FOXN3: variants seen among roughly 807,000 people sequenced by gnomAD.
The protein encoded by FOXN3 is forkhead box protein N3.
A neutral mutation model predicts 38.4 loss-of-function variants in FOXN3; 7 were observed. That is an observed-to-expected ratio of 0.18 (90% CI 0.10 to 0.34). The LOEUF is 0.34. FOXN3 is among the 10% of genes least tolerant of loss of function. The pLI, the probability that FOXN3 is intolerant of heterozygous loss-of-function variation, is 1.00. For missense variants in FOXN3, 456 were observed against 613.4 expected (o/e 0.74, Z 2.71); for synonymous variants, 230 against 242.2 (o/e 0.95, Z 0.47).
intron 1 of FOXN3, among the ~76,000 whole-genome samples, chr14:89,550,092 C>G (rs1464054150): frequency 6.6e-6 from 1 of 152,178 alleles, no homozygotes; most frequent in African/African-American, 2.4e-5. Flanking sequence ...AACACCAGTA[C>G]TCTAAATTAC....
chr14:89,549,321 C>T (rs1244220802), intron 1 of FOXN3, among the ~76,000 whole-genome samples: 1 of 150,636 alleles, frequency 6.6e-6, no homozygotes, highest in Non-Finnish European at 1.5e-5. Flanking sequence ...TTAACTAATC[C>T]ATGGAATTGA....
At chr14:89,505,843 C>T (rs1362759355) in intron 1 of FOXN3, among the ~76,000 whole-genome samples, 4 of 150,916 alleles carry the variant, frequency 2.7e-5, no homozygotes, top group African/African-American at 9.7e-5. Flanking sequence ...CGTCTCTGCC[C>T]GGCCACCCAT....
chr14:89,314,276 A>C (rs1887658967), intron 3 of FOXN3, among the ~76,000 whole-genome samples: 2 of 152,230 alleles, frequency 1.3e-5, no homozygotes, highest in South Asian at 4.1e-4. Flanking sequence ...AAATACAATA[A>C]GCTATTTTAA....
chr14:89,404,710 C>T (rs777092997), intron 2 of FOXN3, among the ~76,000 whole-genome samples: 8 of 151,864 alleles, frequency 5.3e-5, no homozygotes, highest in Middle Eastern at 3.2e-3. Flanking sequence ...GAAAGCAGCC[C>T]GCCTGGCAGT....
At chr14:89,312,734 T>C (rs1344658195) in intron 3 of FOXN3, among the ~76,000 whole-genome samples, 1 of 152,154 alleles carries the variant, frequency 6.6e-6, no homozygotes, top group Non-Finnish European at 1.5e-5. Flanking sequence ...AGAGTAGATA[T>C]ATACTACTAG....
intron 1 of FOXN3, among the ~76,000 whole-genome samples, chr14:89,473,420 G>A (rs991366357): frequency 2.6e-5 from 4 of 151,052 alleles, no homozygotes; most frequent in Non-Finnish European, 4.4e-5. Flanking sequence ...CTGGAGTGCA[G>A]TGGCGTGATT....
chr14:89,399,702 AGGGGG>A (rs1204647520), intron 2 of FOXN3, among the ~76,000 whole-genome samples: 1 of 152,146 alleles, frequency 6.6e-6, no homozygotes, highest in African/African-American at 2.4e-5. Context: ...TCCTTCTGGA[AGGGGG>A]AGGGGCTGCG....
At chr14:89,483,773 C>A (rs939948719) in intron 1 of FOXN3, among the ~76,000 whole-genome samples, 1 of 152,134 alleles carries the variant, frequency 6.6e-6, no homozygotes, top group African/African-American at 2.4e-5. Flanking sequence ...AAGATTAGAA[C>A]CCACATCTTT....
chr14:89,403,779 G>T (rs983980789), intron 2 of FOXN3, among the ~76,000 whole-genome samples: 19 of 152,184 alleles, frequency 1.2e-4, no homozygotes, highest in African/African-American at 4.3e-4. Flanking sequence ...GGGCCCTCGG[G>T]CCCAGAAGCT....
At chr14:89,258,568 A>G (rs1397168698) in intron 4 of FOXN3, among the ~76,000 whole-genome samples, 1 of 152,196 alleles carries the variant, frequency 6.6e-6, no homozygotes, top group East Asian at 1.9e-4. Context: ...GACCACCTAC[A>G]TCTTATTTTC....
At chr14:89,413,128 G>A (rs977280661) in intron 1 of FOXN3, among the ~76,000 whole-genome samples, 2 of 152,022 alleles carry the variant, frequency 1.3e-5, no homozygotes, top group Admixed American at 6.6e-5. Context: ...AAAAGAAAAC[G>A]AGGAGGTGGT....
chr14:89,512,346 G>A (rs1010164411), intron 1 of FOXN3, among the ~76,000 whole-genome samples: 2 of 152,156 alleles, frequency 1.3e-5, no homozygotes, highest in Non-Finnish European at 2.9e-5. Context: ...GTAGGGAGAG[G>A]GGCTTTATAG....
At position 89,503,134 on chromosome 14, in the gene FOXN3, G is replaced by C. The variant is rs567395341; in HGVS notation, c.-14-90644C>G. On this transcript the variant is annotated intron_variant, in intron 1 of 6. Coordinates refer to the FOXN3 transcript ENST00000345097. ...ACACAGCCATTTGAAGACGACAAAG[G>C]CTCCTCCCTCCACCCAAAGCTCCCG... Among the ~76,000 whole-genome samples the C allele has an allele frequency of 1.8e-3, 269 of 152,234 alleles. 3 individuals carry two copies. Among genetic ancestry groups the C allele is most frequent in the African/African-American group, 6.2e-3 (259 of 41,548 alleles).
intron 1 of FOXN3, among the ~76,000 whole-genome samples, chr14:89,431,386 T>G (rs1272165670): frequency 6.6e-6 from 1 of 152,040 alleles, no homozygotes; most frequent in Non-Finnish European, 1.5e-5. Context: ...AATTTTTGTA[T>G]TTTTGGTAGA....
At chr14:89,556,015 T>C (rs1048306218) in intron 1 of FOXN3, among the ~76,000 whole-genome samples, 1 of 152,108 alleles carries the variant, frequency 6.6e-6, no homozygotes, top group Non-Finnish European at 1.5e-5. Flanking sequence ...TTACTTTCTA[T>C]TTACCTGGCC....
rs1566966436 is a variant in FOXN3, at chr14:89,360,765, ACTACCACCT to A, written c.544-9966_544-9958del. Among the ~76,000 whole-genome samples, 122 of 65,874 alleles carry A rather than the reference ACTACCACCT, an allele frequency of 1.9e-3. 1 individual carries two copies. Among genetic ancestry groups the A allele is most frequent in the Non-Finnish European group, 2.6e-3 (91 of 34,364 alleles). The allele number at this position is 65,874 out of a possible 152,430, so 43.2% of individuals were successfully genotyped here. On this transcript the variant is annotated intron_variant, in intron 2 of 5. Coordinates refer to ENST00000557258, the MANE Select transcript of FOXN3 (RefSeq NM_005197.4). Reference sequence around the variant, plus strand: ...CACCACCTCCACCACCACCTCCACCACTACCACCTCCACCACCACCTCCACCACCACCAC... The same window carrying A: ...CACCACCTCCACCACCACCTCCACCACCACCACCACCTCCACCACCACCAC...
chr14:89,349,120 A>G (rs903457680), intron 3 of FOXN3, among the ~76,000 whole-genome samples: 3 of 152,144 alleles, frequency 2.0e-5, no homozygotes, highest in African/African-American at 7.2e-5. Flanking sequence ...AATCTGGGAA[A>G]TATTTCAATA....
intron 2 of FOXN3, among the ~76,000 whole-genome samples, chr14:89,386,395 C>T (rs1295539497): frequency 5.9e-5 from 9 of 152,240 alleles, no homozygotes; most frequent in Non-Finnish European, 1.0e-4. Flanking sequence ...CACGGACAGC[C>T]GCAGAGGCCT....
chr14:89,514,479 G>C (rs1326301534), intron 1 of FOXN3, among the ~76,000 whole-genome samples: 2 of 152,148 alleles, frequency 1.3e-5, no homozygotes, highest in Non-Finnish European at 2.9e-5. Context: ...AAATTGCCCA[G>C]GAAAGTTCGT....
Sources: gnomAD v4.1 joint callset for allele counts (sites outside exome capture counted in the v4.1 genomes callset) on GRCh38, gnomAD v4.1.1 for gene constraint, MANE v1.5 for transcripts, NCBI Gene and HGNC (gene_info 2026-07-23, HGNC 2026-07-21) for gene names.